Variants in LRRCC1 observed in about 807,000 individuals in gnomAD.
LRRCC1 encodes leucine rich repeat and coiled-coil centrosomal protein 1.
A neutral mutation model predicts 126.0 loss-of-function variants in LRRCC1; 115 were observed. The observed-to-expected ratio is 0.91, with a 90% CI of 0.78 to 1.07. LRRCC1 has a LOEUF of 1.07. Among genes scored for constraint, LRRCC1 ranks in the 50% least tolerant of loss-of-function variants. LRRCC1 has a pLI of 0.00. For synonymous variants in LRRCC1, 400 were observed against 393.4 expected (o/e 1.02, Z -0.20); for missense variants, 1,172 against 1,175.7 (o/e 1.00, Z 0.05).
chr8:85,125,791 C>G (rs1407833844), intron 8 of LRRCC1, among the ~76,000 whole-genome samples: 1 of 149,528 alleles, frequency 6.7e-6, no homozygotes, highest in Admixed American at 6.7e-5. Flanking sequence ...TTTTCATTAA[C>G]TTCCCCTTAT....
At position 85,139,176 on chromosome 8, in the gene LRRCC1, A is replaced by C. The variant is rs917038557; in HGVS notation, c.2840+701A>C. ...AAAGTGGAATTTAGAGGAGACTGCC[A>C]GTTGACTACCAGGGTCAATGAGCTC... On this transcript the variant is annotated intron_variant, in intron 17 of 18. Coordinates refer to ENST00000360375, the MANE Select transcript of LRRCC1 (RefSeq NM_033402.5). 3.3e-5 allele frequency among the ~76,000 whole-genome samples: 5 copies of C among 152,358 alleles called. No individual in the cohort carries two copies. The South Asian group carries it at 1.0e-3, about 32-fold the overall frequency.
intron 11 of LRRCC1, 139 bp downstream of exon 11, chr8:85,130,197 G>A (rs536991974): frequency 3.2e-5 from 17 of 528,782 alleles, no homozygotes; most frequent in East Asian, 1.1e-4. Context: ...GTGCAATGGC[G>A]CAATCTCGGC....
chr8:85,112,385 A>G (rs569541669), intron 3 of LRRCC1, among the ~76,000 whole-genome samples: 12 of 152,304 alleles, frequency 7.9e-5, no homozygotes, highest in Admixed American at 4.6e-4. Flanking sequence ...TGAAGGGTAC[A>G]CTGGCATTGT....
At chr8:85,110,467 C>CTG (rs1808619847) in intron 3 of LRRCC1, among the ~76,000 whole-genome samples, 1 of 152,144 alleles carries the variant, frequency 6.6e-6, no homozygotes, top group Non-Finnish European at 1.5e-5. Context: ...AATCAATGTA[C>CTG]TGTTATATAG....
chr8:85,129,038 T>G (rs1427595120), intron 9 of LRRCC1, 137 bp from the exon 10 acceptor site: 5 of 686,368 alleles, frequency 7.3e-6, no homozygotes, highest in African/African-American at 1.8e-5. Context: ...CTAGCACGCT[T>G]TCATATAGCA....
At chr8:85,144,962 C>T (rs1273053275) in intron 18 of LRRCC1, among the ~76,000 whole-genome samples, 1 of 150,174 alleles carries the variant, frequency 6.7e-6, no homozygotes, top group Non-Finnish European at 1.5e-5. Flanking sequence ...CACCTGTAGT[C>T]CCAACTGCTT....
At chr8:85,113,805 T>C (rs977143258) in intron 4 of LRRCC1, among the ~76,000 whole-genome samples, 3 of 152,046 alleles carry the variant, frequency 2.0e-5, no homozygotes, top group African/African-American at 7.2e-5. Flanking sequence ...GAAATGCTAT[T>C]TGAGCTAATT....
intron 1 of LRRCC1, 112 bp downstream of exon 1, chr8:85,107,511 A>G: frequency 2.2e-6 from 2 of 902,158 alleles, no homozygotes; most frequent in Non-Finnish European, 3.3e-6. Context: ...CCAAGACCAT[A>G]AGTGAACGCA....
intron 17 of LRRCC1, among the ~76,000 whole-genome samples, chr8:85,140,728 A>G (rs765623277): frequency 1.3e-4 from 20 of 152,162 alleles, no homozygotes; most frequent in East Asian, 1.9e-4. Flanking sequence ...AAACATGGAG[A>G]AAAAAGATTG....
chr8:85,126,159 A>G (rs1178541680), intron 8 of LRRCC1, among the ~76,000 whole-genome samples: 1 of 152,182 alleles, frequency 6.6e-6, no homozygotes, highest in Non-Finnish European at 1.5e-5. Flanking sequence ...ATTTCAAAAA[A>G]GGAATCTTAT....
chr8:85,110,246 C>A, intron 3 of LRRCC1, 66 bp downstream of exon 3: 1 of 645,794 alleles, frequency 1.5e-6, no homozygotes, highest in South Asian at 2.9e-5. Context: ...GTTAACAGCT[C>A]AGCTAAACAT....
At chr8:85,135,715 A>G (rs1011614993) in intron 13 of LRRCC1, 74 bp from the exon 14 acceptor site, 1 of 974,172 alleles carries the variant, frequency 1.0e-6, no homozygotes, top group Non-Finnish European at 1.4e-6. Flanking sequence ...ATTTTTTCTC[A>G]TTATAAGATG....
At chr8:85,136,720 C>T (rs1036544962) in intron 14 of LRRCC1, among the ~76,000 whole-genome samples, 1 of 152,206 alleles carries the variant, frequency 6.6e-6, no homozygotes, top group African/African-American at 2.4e-5. Context: ...TCCTCAGTTT[C>T]ATTCCCTTTC....
chr8:85,107,300 A>AGGCGGCGGC lies in LRRCC1; in HGVS notation c.11_19dup (p.Ala4_Ala6dup). 1 of 1,611,726 alleles carries AGGCGGCGGC rather than the reference A, an allele frequency of 6.2e-7. No homozygotes were observed. Among genetic ancestry groups the AGGCGGCGGC allele is most frequent in the Non-Finnish European group, 8.5e-7 (1 of 1,179,044 alleles). ...CCGCTCCCCGTCGCCAGTGCTATGGAGGCGGCGGCGGCGGTGGTGGCGGCA... is the reference window on the plus strand; with the variant it reads ...CCGCTCCCCGTCGCCAGTGCTATGGAGGCGGCGGCGGCGGCGGCGGCGGTGGTGGCGGCA... On this transcript the variant is annotated inframe_insertion, in exon 1 of 19. Transcript: ENST00000360375.
chr8:85,129,636 G>C (rs533419914), intron 10 of LRRCC1, among the ~76,000 whole-genome samples: 1 of 152,170 alleles, frequency 6.6e-6, no homozygotes, highest in Non-Finnish European at 1.5e-5. Context: ...GAGAGAGCTG[G>C]CTTTTTAAAA....
At chr8:85,116,520 A>T (rs1809138983) in intron 6 of LRRCC1, among the ~76,000 whole-genome samples, 1 of 152,000 alleles carries the variant, frequency 6.6e-6, no homozygotes, top group African/African-American at 2.4e-5. Context: ...CTACAGGCAC[A>T]TGCCACTGTG....
chr8:85,124,526 G>A, intron 7 of LRRCC1, among the ~76,000 whole-genome samples: 1 of 151,878 alleles, frequency 6.6e-6, no homozygotes, highest in East Asian at 1.9e-4. Flanking sequence ...AAATTATTCT[G>A]ATATATCCAA....
Position 85,138,058 on chromosome 8 carries a change from C to T in LRRCC1, c.2517C>T (p.His839=), listed in dbSNP as rs755237706. The T allele has an allele frequency of 1.8e-5, 28 of 1,577,414 alleles. No individual in the cohort carries two copies. The highest frequency in any genetic ancestry group is 2.3e-5 in the East Asian group (1 of 44,402). The change falls in exon 16 of 19, where the codon CAC becomes CAT. Residue 839 remains histidine (H), a synonymous_variant. Transcript: ENST00000360375. ...AGTGTTTACAAGAAAAAGATGAACA[C>T]ATCAAAAGATTACAAGAAAAGATCA... ...LKDCLQEKDE[H]IKRLQEKITE...
At position 85,141,482 on chromosome 8, in the gene LRRCC1, G is replaced by A; in HGVS notation, c.2941G>A (p.Glu981Lys). The A allele has an allele frequency of 6.2e-7, 1 of 1,612,566 alleles. No homozygotes were observed. Among genetic ancestry groups the A allele is most frequent in the Non-Finnish European group, 8.5e-7 (1 of 1,179,162 alleles). ...HQAEIAQLAN[E>K]KQKCIDSANL... ...AGCTGAAATAGCACAGCTGGCCAAT[G>A]AAAAGCAGAAGTGTATTGATTCTGC... Residue 981 changes from glutamate (E) to lysine (K), a missense_variant, in exon 18 of 19, where the codon GAA becomes AAA. Coordinates refer to ENST00000360375, the MANE Select transcript of LRRCC1 (RefSeq NM_033402.5).
Sources: allele counts gnomAD v4.1 joint callset (sites outside exome capture counted in the v4.1 genomes callset), GRCh38; gene constraint gnomAD v4.1.1; transcripts MANE v1.5; gene names NCBI Gene and HGNC (gene_info 2026-07-23, HGNC 2026-07-21).